Variants in FLT1 observed in about 807,000 individuals in gnomAD.
The protein encoded by FLT1 is vascular endothelial growth factor receptor 1.
A neutral mutation model predicts 156.3 loss-of-function variants in FLT1; 49 were observed. That is an observed-to-expected ratio of 0.31 (90% CI 0.25 to 0.40). The LOEUF is 0.40. Ranked by LOEUF, FLT1 falls within the 10% of genes least tolerant of loss-of-function variation. The pLI, the probability that FLT1 is intolerant of heterozygous loss-of-function variation, is 1.00. For synonymous variants in FLT1, 594 were observed against 583.8 expected (o/e 1.02, Z -0.25); for missense variants, 1,322 against 1,637.2 (o/e 0.81, Z 3.32).
intron 9 of FLT1, among the ~76,000 whole-genome samples, 183 bp downstream of exon 9, chr13:28,427,569 G>A (rs531284356): frequency 6.6e-6 from 1 of 152,176 alleles, no homozygotes; most frequent in East Asian, 1.9e-4. Context: ...AGATCATGCC[G>A]CCTATGGAAT....
chr13:28,402,662 T>C (rs1401155828), intron 11 of FLT1, among the ~76,000 whole-genome samples: 1 of 152,220 alleles, frequency 6.6e-6, no homozygotes, highest in Non-Finnish European at 1.5e-5. Context: ...CTTCATTGTA[T>C]ATGATCACAA....
intron 27 of FLT1, 102 bp from the exon 28 acceptor site, chr13:28,309,029 CACCA>C: frequency 1.4e-6 from 1 of 727,814 alleles, no homozygotes; most frequent in African/African-American, 1.7e-5. Flanking sequence ...TGAACCAACA[CACCA>C]ACAGGAATCA....
intron 3 of FLT1, among the ~76,000 whole-genome samples, chr13:28,456,200 T>C (rs1371820835): frequency 1.3e-5 from 2 of 152,168 alleles, no homozygotes; most frequent in Admixed American, 1.3e-4. Flanking sequence ...TCATTATTGC[T>C]AAAACTTGGA....
At chr13:28,480,337 C>T (rs1880765786) in intron 1 of FLT1, among the ~76,000 whole-genome samples, 1 of 152,072 alleles carries the variant, frequency 6.6e-6, no homozygotes, top group African/African-American at 2.4e-5. Context: ...GAGGTTGCTT[C>T]CTTTACAGTG....
chr13:28,317,609 A>G lies in FLT1; in HGVS notation c.3287-12T>C. 6.3e-7 allele frequency: 1 copy of G among 1,582,010 alleles called. No homozygotes were observed. ...GTATGGAGACCCACCTGCGGGAGAC[A>G]ATGTGGAAAACACAGGGCCTGTTAT... is the stretch of plus-strand genomic sequence containing the variant. On this transcript the variant is annotated splice_polypyrimidine_tract_variant and intron_variant, in intron 24 of 29. Transcript: ENST00000282397.
At chr13:28,365,439 G>GC (rs1283107421) in intron 14 of FLT1, among the ~76,000 whole-genome samples, 1 of 151,646 alleles carries the variant, frequency 6.6e-6, no homozygotes, top group Non-Finnish European at 1.5e-5. Flanking sequence ...TGCAACCTCT[G>GC]CTCCCGGACT....
chr13:28,487,984 C>T lies in FLT1; in HGVS notation c.64+6796G>A, dbSNP rs117351654. Among the ~76,000 whole-genome samples the T allele has an allele frequency of 5.2e-3, 793 of 151,258 alleles. 5 individuals are homozygous for T. The highest frequency in any genetic ancestry group is 0.012 in the South Asian group (58 of 4,742). On this transcript the variant is annotated intron_variant, in intron 1 of 29. Transcript: ENST00000282397. ...TGTAAAGAATTTTGGAGGAGGACAC[C>T]GATGTCCCAGCAGAAGGCGGCATGA...
intron 4 of FLT1, among the ~76,000 whole-genome samples, chr13:28,435,069 T>C (rs970004165): frequency 6.6e-5 from 10 of 152,298 alleles, no homozygotes; most frequent in African/African-American, 2.4e-4. Flanking sequence ...ATTCATAACA[T>C]TAACTCAGCA....
chr13:28,398,021 A>G (rs1393125085), intron 11 of FLT1, among the ~76,000 whole-genome samples: 1 of 152,158 alleles, frequency 6.6e-6, no homozygotes, highest in Non-Finnish European at 1.5e-5. Flanking sequence ...CAACTTAAAG[A>G]CTTGCATTCT....
intron 14 of FLT1, among the ~76,000 whole-genome samples, chr13:28,364,634 T>C (rs1209798213): frequency 1.3e-5 from 2 of 152,192 alleles, no homozygotes; most frequent in Non-Finnish European, 2.9e-5. Flanking sequence ...ACCTAATTTT[T>C]ACCATATAAA....
At chr13:28,446,947 G>A (rs1310984596) in intron 3 of FLT1, among the ~76,000 whole-genome samples, 1 of 152,078 alleles carries the variant, frequency 6.6e-6, no homozygotes, top group East Asian at 1.9e-4. Context: ...CAATGGATTA[G>A]TGGAATAGAA....
chr13:28,427,958 C>T (rs369436839), intron 8 of FLT1, 37 bp from the exon 9 acceptor site: 30 of 1,574,398 alleles, frequency 1.9e-5, no homozygotes, highest in Middle Eastern at 1.7e-4. Flanking sequence ...TCATTTCACA[C>T]GGCCTCTCAA....
intron 1 of FLT1, among the ~76,000 whole-genome samples, chr13:28,484,342 C>A (rs12860111): frequency 0.53 from 80,286 of 152,024 alleles, 21,532 homozygotes; most frequent in South Asian, 0.64. Flanking sequence ...GCTTTTTCCT[C>A]GGACCTGCCT....
At position 28,432,964 on chromosome 13, in the gene FLT1, G is replaced by A. The variant is rs975233689; in HGVS notation, c.813+855C>T. On this transcript the variant is annotated intron_variant, in intron 6 of 29. Coordinates refer to ENST00000282397, the MANE Select transcript of FLT1 (RefSeq NM_002019.4). The stretch of plus-strand genomic sequence containing the variant: ...TGTCCCTACAGGGCACTCGTTACAC[G>A]TTTTTGTTGCTAAGTTATTCCATTT... 3.9e-5 allele frequency among the ~76,000 whole-genome samples: 6 copies of A among 152,308 alleles called. 1 individual carries two copies. The highest frequency in any genetic ancestry group is 2.6e-4 in the Admixed American group (4 of 15,296).
rs1055864902 is a variant in FLT1 at position 28,302,517 on chromosome 13, C to T, written c.*650G>A. ...CAGAATCCAGAAAATGTCCCCTCAT[C>T]GCTGTCCATCTGCTCCTGGCTGGGC... On this transcript the variant is annotated 3_prime_UTR_variant, in exon 30 of 30. Coordinates refer to ENST00000282397, the MANE Select transcript of FLT1 (RefSeq NM_002019.4). The T allele has an allele frequency of 8.6e-5, 20 of 233,258 alleles. No homozygotes were observed. The highest frequency in any genetic ancestry group is 3.3e-4 in the African/African-American group (15 of 45,350). 14.4% of individuals were successfully genotyped at this position (233,258 alleles called of 1,614,324 possible). A position where few individuals can be genotyped will look rare whatever the true frequency, so the allele number is the denominator to read the frequency against.
intron 14 of FLT1, among the ~76,000 whole-genome samples, chr13:28,377,536 C>T (rs774277228): frequency 3.9e-5 from 6 of 152,176 alleles, no homozygotes; most frequent in Admixed American, 6.5e-5. Context: ...CTTGAAGAAG[C>T]GTATTTCAGG....
chr13:28,352,024 G>A (rs957197295), intron 15 of FLT1, among the ~76,000 whole-genome samples: 1 of 152,222 alleles, frequency 6.6e-6, no homozygotes, highest in Non-Finnish European at 1.5e-5. Flanking sequence ...CACCAGGAAG[G>A]TAAGGAACTT....
At chr13:28,390,617 G>A (rs1004533418) in intron 12 of FLT1, among the ~76,000 whole-genome samples, 2 of 152,064 alleles carry the variant, frequency 1.3e-5, no homozygotes, top group Non-Finnish European at 2.9e-5. Context: ...GGCTGATCTC[G>A]AATTACTGGC....
At chr13:28,359,645 G>T (rs925656466) in intron 14 of FLT1, among the ~76,000 whole-genome samples, 3 of 152,078 alleles carry the variant, frequency 2.0e-5, no homozygotes, top group Non-Finnish European at 4.4e-5. Context: ...CATCAGATAA[G>T]GAGCCAATAT....
Sources: allele counts gnomAD v4.1 joint callset (sites outside exome capture counted in the v4.1 genomes callset), GRCh38; gene constraint gnomAD v4.1.1; transcripts MANE v1.5; gene names NCBI Gene and HGNC (gene_info 2026-07-23, HGNC 2026-07-21).